ESR1: variants seen among roughly 807,000 people sequenced by gnomAD.
ESR1 encodes estrogen receptor.
Under a neutral mutation model 52.7 loss-of-function variants are expected in ESR1, and 12 were observed. The observed-to-expected ratio is 0.23, with a 90% confidence interval of 0.15 to 0.37. The LOEUF is 0.37. ESR1 is among the 10% of genes least tolerant of loss of function. The pLI, the probability that ESR1 is intolerant of heterozygous loss-of-function variation, is 1.00. For synonymous variants in ESR1, 305 were observed against 316.8 expected (o/e 0.96, Z 0.39); for missense variants, 584 against 779.7 (o/e 0.75, Z 2.99).
intron 3 of ESR1, among the ~76,000 whole-genome samples, chr6:151,905,854 TG>T (rs1797361049): frequency 6.6e-6 from 1 of 152,232 alleles, no homozygotes; most frequent in Non-Finnish European, 1.5e-5. Context: ...TTCACTGGCA[TG>T]TCCCACAATC....
At chr6:152,104,960 A>T (rs1027794654), downstream of ESR1, among the ~76,000 whole-genome samples, 1 of 152,034 alleles carries the variant, frequency 6.6e-6, no homozygotes, top group Non-Finnish European at 1.5e-5. Context: ...AATCATGTCT[A>T]TGTAATGAAG....
chr6:152,023,820 C>T (rs1432819022), intron 5 of ESR1, among the ~76,000 whole-genome samples: 2 of 152,084 alleles, frequency 1.3e-5, no homozygotes, highest in Admixed American at 6.6e-5. Flanking sequence ...TTCCTCTATC[C>T]TCAGTGTTTC....
upstream of ESR1, among the ~76,000 whole-genome samples, chr6:151,803,186 C>T (rs1583353227): frequency 6.6e-6 from 1 of 152,054 alleles, no homozygotes; most frequent in African/African-American, 2.4e-5. Flanking sequence ...ACCTTGTCCT[C>T]AAGGAGCTTA....
downstream of ESR1, among the ~76,000 whole-genome samples, chr6:152,107,396 C>T (rs1377357332): frequency 6.6e-6 from 1 of 152,094 alleles, no homozygotes; most frequent in African/African-American, 2.4e-5. Flanking sequence ...TTGAGCTCTT[C>T]TAGTGAATTT....
Position 151,944,231 on chromosome 6 carries a change from T to C in ESR1, c.819T>C (p.Asp273=), listed in dbSNP as rs764399182. ...RMLKHKRQRD[D]GEGRGEVGSA... ...TGAAACACAAGCGCCAGAGAGATGA[T>C]GGGGAGGGCAGGGGTGAAGTGGGGT... is the stretch of plus-strand genomic sequence containing the variant. The change falls in exon 4 of 8, where the codon GAT becomes GAC. Residue 273 remains aspartate, a synonymous_variant. Coordinates refer to ENST00000206249, the MANE Select transcript of ESR1 (RefSeq NM_000125.4). 1.2e-6 allele frequency: 2 copies of C among 1,610,450 alleles called. No homozygotes were observed. Among genetic ancestry groups the C allele is most frequent in the African/African-American group, 2.7e-5 (2 of 74,710 alleles).
intron 4 of ESR1, among the ~76,000 whole-genome samples, chr6:151,956,863 A>ATATATATATAAAT (rs1175773832): frequency 1.9e-5 from 1 of 53,900 alleles, no homozygotes; most frequent in South Asian, 4.8e-4. Flanking sequence ...TATATATATA[A>ATATATATATAAAT]ATATATATAT....
intron 2 of ESR1, among the ~76,000 whole-genome samples, chr6:151,794,737 T>C (rs1172557521): frequency 6.6e-6 from 1 of 152,226 alleles, no homozygotes; most frequent in African/African-American, 2.4e-5. Flanking sequence ...TTTTGGTTTT[T>C]AAGTTTATAT....
At chr6:151,954,639 G>T (rs1215852249) in intron 4 of ESR1, among the ~76,000 whole-genome samples, 1 of 152,036 alleles carries the variant, frequency 6.6e-6, no homozygotes, top group Non-Finnish European at 1.5e-5. Flanking sequence ...CCTTTTACCT[G>T]GTCAAGATGT....
At chr6:151,828,529 G>A (rs1583512198) in intron 1 of ESR1, among the ~76,000 whole-genome samples, 1 of 152,316 alleles carries the variant, frequency 6.6e-6, no homozygotes, top group East Asian at 1.9e-4. Flanking sequence ...GCAGATTTGG[G>A]AATGTCATGT....
chr6:152,122,826 G>T, intron 6 of ESR1: 2 of 1,176,650 alleles, frequency 1.7e-6, no homozygotes, highest in East Asian at 4.9e-5. Flanking sequence ...GTGTGCCCAG[G>T]TCACCCCCCA....
intron 2 of ESR1, among the ~76,000 whole-genome samples, chr6:151,760,583 T>C (rs951510609): frequency 2.6e-5 from 4 of 152,210 alleles, no homozygotes; most frequent in African/African-American, 9.7e-5. Context: ...GGACCTATTA[T>C]GGTAAATGTG....
intron 5 of ESR1, among the ~76,000 whole-genome samples, chr6:152,055,591 G>A (rs2047033400): frequency 6.6e-6 from 1 of 152,110 alleles, no homozygotes; most frequent in South Asian, 2.1e-4. Flanking sequence ...TTCCAATCTT[G>A]TAAGGCCATT....
At chr6:152,047,297 A>G (rs2046304120) in intron 5 of ESR1, among the ~76,000 whole-genome samples, 1 of 152,082 alleles carries the variant, frequency 6.6e-6, no homozygotes, top group Non-Finnish European at 1.5e-5. Flanking sequence ...GAACCTGGTC[A>G]ATTCTAACTG....
At chr6:151,686,557 G>A (rs907431024), upstream of ESR1, among the ~76,000 whole-genome samples, 6 of 152,146 alleles carry the variant, frequency 3.9e-5, no homozygotes, top group African/African-American at 1.2e-4. Flanking sequence ...GCGTGGCGGC[G>A]GGCACCTGTA....
At chr6:152,011,589 G>C (rs2128777307) in intron 4 of ESR1, 67 bp from the exon 5 acceptor site, 9 of 1,581,604 alleles carry the variant, frequency 5.7e-6, no homozygotes. Flanking sequence ...AATCCCTGTT[G>C]CATTAATTTC....
At chr6:151,971,210 C>T (rs2982738) in intron 4 of ESR1, among the ~76,000 whole-genome samples, 129,912 of 151,866 alleles carry the variant, frequency 0.86, 55,882 homozygotes, top group Middle Eastern at 0.93. Flanking sequence ...TTTATTCCCA[C>T]AGGTTTTTGA....
At chr6:151,765,797 GAAA>G (rs1168016893) in intron 2 of ESR1, among the ~76,000 whole-genome samples, 1 of 152,158 alleles carries the variant, frequency 6.6e-6, no homozygotes, top group Non-Finnish European at 1.5e-5. Flanking sequence ...TGTTGCTTAT[GAAA>G]ACAATCTCTC....
chr6:152,082,494 AC>A (rs769190759), intron 6 of ESR1, among the ~76,000 whole-genome samples: 2 of 152,200 alleles, frequency 1.3e-5, no homozygotes, highest in Non-Finnish European at 2.9e-5. Context: ...TGACAAACCC[AC>A]AGCCAATATC....
intron 4 of ESR1, among the ~76,000 whole-genome samples, chr6:151,989,479 A>C (rs1031089643): frequency 6.6e-6 from 1 of 151,866 alleles, no homozygotes. Flanking sequence ...AAAAGTATTT[A>C]AAAAAATCAT....
Sources: allele counts gnomAD v4.1 joint callset (sites outside exome capture counted in the v4.1 genomes callset), GRCh38; gene constraint gnomAD v4.1.1; transcripts MANE v1.5; gene names NCBI Gene and HGNC (gene_info 2026-07-23, HGNC 2026-07-21).